CEP350: variants seen among roughly 807,000 people sequenced by gnomAD.
The protein encoded by CEP350 is centrosomal protein 350, also known as centrosome-associated protein 350.
Under a neutral mutation model 331.8 loss-of-function variants are expected in CEP350, and 126 were observed. The ratio of observed to expected loss-of-function variants is 0.38; its 90% CI spans 0.33 to 0.44. CEP350 has a LOEUF of 0.44. Ranked by LOEUF, CEP350 falls within the 20% of genes least tolerant of loss-of-function variation. The pLI is 1.00. For missense variants in CEP350, 3,406 were observed against 3,634.6 expected (o/e 0.94, Z 1.62); for synonymous variants, 1,200 against 1,259.5 (o/e 0.95, Z 1.00).
At chr1:180,065,339 A>C in intron 27 of CEP350, 67 bp downstream of exon 27, 1 of 1,407,272 alleles carries the variant, frequency 7.1e-7, no homozygotes, top group Non-Finnish European at 9.5e-7. Context: ...TAACATTTGT[A>C]ATAATACTTC....
intron 37 of CEP350, among the ~76,000 whole-genome samples, chr1:180,108,579 A>G (rs574059085): frequency 2.4e-4 from 36 of 152,308 alleles, no homozygotes; most frequent in Middle Eastern, 3.4e-3. Flanking sequence ...TAACAAATTC[A>G]TTGGGGATGT....
chr1:179,971,019 G>C (rs1651407708), intron 1 of CEP350, among the ~76,000 whole-genome samples: 1 of 147,128 alleles, frequency 6.8e-6, no homozygotes, highest in Admixed American at 6.7e-5. Flanking sequence ...ATAACTTTTT[G>C]TTGTTGTTGT....
At chr1:180,079,180 A>G (rs766663458) in intron 29 of CEP350, among the ~76,000 whole-genome samples, 6 of 34,632 alleles carry the variant, frequency 1.7e-4, no homozygotes, top group Non-Finnish European at 6.1e-4. Context: ...TACTTTATAG[A>G]AAAAAAAACT....
chr1:180,031,978 C>T (rs1023732771), intron 15 of CEP350, among the ~76,000 whole-genome samples: 1 of 152,040 alleles, frequency 6.6e-6, no homozygotes, highest in Admixed American at 6.6e-5. Flanking sequence ...ACTTAGCATC[C>T]TTATTGTCTT....
chr1:180,015,039 C>G (rs924042844), intron 10 of CEP350, among the ~76,000 whole-genome samples: 5 of 151,938 alleles, frequency 3.3e-5, no homozygotes, highest in African/African-American at 1.2e-4. Context: ...ATTGACTATT[C>G]ATTAAGTGGA....
chr1:180,052,087 A>C (rs915817544), intron 22 of CEP350: 11 of 338,532 alleles, frequency 3.2e-5, no homozygotes, highest in Non-Finnish European at 5.7e-5. Context: ...AACTATGTGC[A>C]CACACGTATA....
At chr1:180,009,488 A>C (rs1384899669) in intron 8 of CEP350, among the ~76,000 whole-genome samples, 1 of 152,190 alleles carries the variant, frequency 6.6e-6, no homozygotes, top group Non-Finnish European at 1.5e-5. Flanking sequence ...AGTGAGCTAG[A>C]TAGAGAGTCA....
At chr1:180,051,592 G>A (rs1473732083) in intron 22 of CEP350, among the ~76,000 whole-genome samples, 2 of 152,290 alleles carry the variant, frequency 1.3e-5, no homozygotes, top group East Asian at 3.9e-4. Context: ...ATCACAATGA[G>A]TAAATTTTAA....
Position 179,987,115 on chromosome 1 carries a change from G to T in CEP350, c.74-125G>T, listed in dbSNP as rs546581272. On this transcript the variant is annotated intron_variant, in intron 2 of 37. Transcript: ENST00000367607. ...ATAATAAAGCATTTGCTGAGGAATT[G>T]TTCTGCCTAATAAGGTAGTTTTCAG... 7 of 573,686 alleles carry T rather than the reference G, an allele frequency of 1.2e-5. No homozygotes were observed. In the East Asian group the frequency reaches 2.5e-4, roughly 21 times the overall value. 35.5% of individuals were successfully genotyped at this position (573,686 alleles called of 1,614,324 possible). A position where few individuals can be genotyped will look rare whatever the true frequency, so the allele number is the denominator to read the frequency against.
rs761924454 is a variant in CEP350 at position 180,065,260 on chromosome 1, G to A, written c.5555G>A (p.Arg1852His). Reference protein sequence around the residue: ...IMQKLKKMRSRMDEKFLTKRE... With the variant: ...IMQKLKKMRSHMDEKFLTKRE... ...CAGAAACTGAAGAAAATGAGAAGCC[G>A]CATGGATGAAAAGTATTTGTTTTTT... Residue 1852 changes from arginine to histidine, a missense_variant, in exon 27 of 38, where the codon CGC (arginine) becomes CAC (histidine). Around this residue, in one of 5 missense-constraint regions of CEP350, gnomAD observed 1,415 missense variants for 1,512.3 expected, o/e 0.94. Coordinates refer to ENST00000367607, the MANE Select transcript of CEP350 (RefSeq NM_014810.5). 24 of 1,607,376 alleles carry A rather than the reference G, an allele frequency of 1.5e-5. No homozygotes were observed. The highest frequency in any genetic ancestry group is 2.2e-5 in the South Asian group (2 of 89,440).
chr1:180,094,230 G>A lies in CEP350; in HGVS notation c.8125G>A (p.Ala2709Thr), dbSNP rs1295176062. The A allele has an allele frequency of 6.2e-7, 1 of 1,613,064 alleles. No individual in the cohort carries two copies. The highest frequency in any genetic ancestry group is 2.2e-5 in the East Asian group (1 of 44,868). The change falls in exon 34 of 38, where the codon GCT (alanine) becomes ACT (threonine). Residue 2709 changes from alanine (A) to threonine (T), a missense_variant. Physicochemically the swap from Ala to Thr is moderately conservative, Grantham distance 58. Coordinates refer to ENST00000367607, the MANE Select transcript of CEP350 (RefSeq NM_014810.5). The part of the protein sequence containing the change: ...QFTEEEDNLY[A>T]EASEKLCTPL... The stretch of plus-strand genomic sequence containing the variant: ...TACAGAAGAGGAAGACAACCTATAT[G>A]CTGAAGCTTCAGAAAAGCTTTGTAC...
intron 32 of CEP350, 54 bp downstream of exon 32, chr1:180,087,771 G>T: frequency 7.3e-7 from 1 of 1,374,572 alleles, no homozygotes; most frequent in Non-Finnish European, 9.5e-7. Context: ...AAAGGAATAA[G>T]GGAATATTTT....
At chr1:179,994,663 A>T (rs531367307) in intron 5 of CEP350, among the ~76,000 whole-genome samples, 34 of 152,032 alleles carry the variant, frequency 2.2e-4, no homozygotes, top group African/African-American at 8.2e-4. Flanking sequence ...CGTGTTGCCC[A>T]GGCTGGTCTC....
chr1:180,040,734 A>G (rs1656709799), intron 17 of CEP350, among the ~76,000 whole-genome samples: 1 of 152,078 alleles, frequency 6.6e-6, no homozygotes, highest in South Asian at 2.1e-4. Flanking sequence ...TGGGGACATC[A>G]TTTTTTAATG....
At chr1:180,001,830 C>T (rs1653885410) in intron 6 of CEP350, among the ~76,000 whole-genome samples, 1 of 152,174 alleles carries the variant, frequency 6.6e-6, no homozygotes, top group Non-Finnish European at 1.5e-5. Flanking sequence ...TAGTTCATCT[C>T]TTTGAAATTC....
intron 31 of CEP350, among the ~76,000 whole-genome samples, chr1:180,085,114 T>TCCTTTTCCCTTC (rs1659788963): frequency 6.7e-6 from 1 of 149,922 alleles, no homozygotes; most frequent in African/African-American, 2.4e-5. Flanking sequence ...CTTTCCCCTT[T>TCCTTTTCCCTTC]CCCTTTCCCT....
rs1655539284 is a variant in CEP350 at position 180,024,497 on chromosome 1, G to A, written c.3465G>A (p.Gln1155=). Residue 1155 remains glutamine (Q), a synonymous_variant, in exon 14 of 38, where the codon CAG becomes CAA. Transcript: ENST00000367607. The part of the protein sequence containing the change: ...YDPSSVDVTS[Q]HSSGAQSAAS... ...CTTCCTCTGTGGATGTTACCTCCCAGCATTCATCAGGAGCCCAGTCTGCTG... is the reference window on the plus strand; with the variant it reads ...CTTCCTCTGTGGATGTTACCTCCCAACATTCATCAGGAGCCCAGTCTGCTG... 6.2e-7 allele frequency: 1 copy of A among 1,613,374 alleles called. No individual in the cohort carries two copies. The highest frequency in any genetic ancestry group is 1.7e-5 in the Admixed American group (1 of 59,994).
At chr1:180,056,052 CTTTGAAGTATAAAATTT>C (rs1657820480) in intron 25 of CEP350, among the ~76,000 whole-genome samples, 1 of 151,856 alleles carries the variant, frequency 6.6e-6, no homozygotes, top group African/African-American at 2.4e-5. Context: ...TGATAGTATC[CTTTGAAGTATAAAATTT>C]TTCATTTTGA....
intron 11 of CEP350, among the ~76,000 whole-genome samples, chr1:180,018,831 G>A (rs978856418): frequency 1.3e-5 from 2 of 149,758 alleles, no homozygotes; most frequent in Non-Finnish European, 3.0e-5. Flanking sequence ...CAAGGACAAA[G>A]CCTCATGTTC....
Sources: gnomAD v4.1 joint callset for allele counts (sites outside exome capture counted in the v4.1 genomes callset) on GRCh38, gnomAD v4.1.1 for gene constraint, gnomAD v4.1.1 regional missense constraint, MANE v1.5 for transcripts, NCBI Gene and HGNC (gene_info 2026-07-23, HGNC 2026-07-21) for gene names.